The following MED24 variants were observed in gnomAD, a reference collection of about 807,000 sequenced individuals.
The protein encoded by MED24 is mediator complex subunit 24.
MED24 carries 74 observed loss-of-function variants against 118.8 expected under a neutral mutation model. The ratio of observed to expected loss-of-function variants is 0.62; its 90% CI spans 0.52 to 0.76. The LOEUF is 0.76. Among genes scored for constraint, MED24 ranks in the 30% least tolerant of loss-of-function variants. The probability of loss-of-function intolerance (pLI) is 0.00; values close to 1 mark genes in which losing one functional copy is unlikely to be tolerated. For missense variants in MED24, 1,041 were observed against 1,278.9 expected (o/e 0.81, Z 2.84); for synonymous variants, 521 against 523.9 (o/e 0.99, Z 0.08).
intron 3 of MED24, 127 bp downstream of exon 3, chr17:40,053,171 G>A (rs1986025436): frequency 6.7e-6 from 6 of 897,166 alleles, no homozygotes; most frequent in Non-Finnish European, 1.0e-5. Context: ...CTGGGCTCAA[G>A]CAATCCGCCT....
chr17:40,041,197 C>G (rs920680313), intron 3 of MED24, among the ~76,000 whole-genome samples: 6 of 152,214 alleles, frequency 3.9e-5, no homozygotes, highest in African/African-American at 1.2e-4. Flanking sequence ...ATGGATCCTT[C>G]TCTGTTCTGA....
intron 3 of MED24, among the ~76,000 whole-genome samples, chr17:40,039,150 G>A (rs571187263): frequency 2.6e-5 from 4 of 152,314 alleles, no homozygotes; most frequent in South Asian, 2.1e-4. Flanking sequence ...GATGCCATTC[G>A]TCAAAATGAA....
In MED24 at chr17:40,031,518, G is replaced by A. The variant is rs745728840; in HGVS notation, c.1067+20C>T. ...CAGAACGCCTTCCAGTAGGGCGGGG[G>A]TGACCAGGGGAGCTCATACTTGCAG... On this transcript the variant is annotated intron_variant, in intron 11 of 25. Transcript: ENST00000394128. The A allele has an allele frequency of 3.7e-6, 6 of 1,608,298 alleles. No individual in the cohort carries two copies. The South Asian group carries it at 5.5e-5, about 15-fold the overall frequency.
chr17:40,042,511 A>G (rs1411317068), intron 3 of MED24, among the ~76,000 whole-genome samples: 1 of 152,124 alleles, frequency 6.6e-6, no homozygotes, highest in African/African-American at 2.4e-5. Flanking sequence ...CATCTCTACT[A>G]AAAATACAAA....
chr17:40,031,737 G>T, intron 10 of MED24, 117 bp from the exon 11 acceptor site: 7 of 972,236 alleles, frequency 7.2e-6, no homozygotes, highest in South Asian at 6.1e-5. Context: ...TCTGCCTGGA[G>T]CCTGGGTGTA....
At chr17:40,051,930 T>C (rs571090294) in intron 3 of MED24, among the ~76,000 whole-genome samples, 49 of 150,348 alleles carry the variant, frequency 3.3e-4, no homozygotes, top group African/African-American at 8.8e-4. Flanking sequence ...TCTCAATAAA[T>C]AAACAAACAA....
rs1470100180 is a variant in MED24 at position 40,027,051 on chromosome 17, G to A, written c.1531-17C>T. 2 of 1,613,260 alleles carry A rather than the reference G, an allele frequency of 1.2e-6. No individual in the cohort carries two copies. Among genetic ancestry groups the A allele is most frequent in the African/African-American group, 1.3e-5 (1 of 74,900 alleles). On this transcript the variant is annotated splice_polypyrimidine_tract_variant and intron_variant, in intron 16 of 25. Coordinates refer to ENST00000394128, the MANE Select transcript of MED24 (RefSeq NM_014815.4). ...CAGAATCACCTGGGAAAGGGGAAGG[G>A]GGGCACCAGCCGAGTGGGGAGGGCG...
At chr17:40,026,128 G>A (rs1227574626) in intron 19 of MED24, 28 bp downstream of exon 19, 5 of 1,601,306 alleles carry the variant, frequency 3.1e-6, no homozygotes, top group Admixed American at 1.7e-5. Context: ...CACTTGAAGG[G>A]TCTGAGAAGG....
Position 40,047,701 on chromosome 17 carries a change from C to A in MED24, c.213+5597G>T, listed in dbSNP as rs1008896545. 4.8e-5 allele frequency among the ~76,000 whole-genome samples: 7 copies of A among 147,248 alleles called. No individual in the cohort carries two copies. In the Admixed American group the frequency reaches 4.8e-4, roughly 10 times the overall value. The stretch of plus-strand genomic sequence containing the variant: ...AAAAACAAAAAACAAAAAACAACAA[C>A]AAAAAAAAAACCCTGACTGAATTGA... On this transcript the variant is annotated intron_variant, in intron 3 of 25. Coordinates refer to ENST00000394128, the MANE Select transcript of MED24 (RefSeq NM_014815.4).
intron 22 of MED24, 28 bp downstream of exon 22, chr17:40,022,366 A>C: frequency 6.3e-7 from 1 of 1,582,056 alleles, no homozygotes; most frequent in Non-Finnish European, 8.6e-7. Context: ...GAACAAGTGA[A>C]GCCGGCGAGG....
chr17:40,028,788 C>A (rs368425542), intron 14 of MED24, 38 bp downstream of exon 14: 4 of 1,610,346 alleles, frequency 2.5e-6, no homozygotes, highest in African/African-American at 2.7e-5. Flanking sequence ...GCGCAGCCTC[C>A]CTGCACGCCC....
At chr17:40,051,440 C>G (rs1198027610) in intron 3 of MED24, among the ~76,000 whole-genome samples, 1 of 150,630 alleles carries the variant, frequency 6.6e-6, no homozygotes, top group South Asian at 2.1e-4. Flanking sequence ...ATGGTGAAAC[C>G]CCATCTCTAC....
chr17:40,026,995 AG>A lies in MED24; in HGVS notation c.1569del (p.Phe524SerfsTer17). On this transcript the variant is annotated frameshift_variant, in exon 17 of 26. Coordinates refer to ENST00000394128, the MANE Select transcript of MED24 (RefSeq NM_014815.4). LOFTEE classifies it high-confidence loss of function. Reference protein sequence around the residue: ...LSESRTGAEVPFFETWMQTCM... With the variant: ...LSESRTGAEVXFFETWMQTCM... The stretch of plus-strand genomic sequence containing the variant: ...CAGGTCTGCATCCAGGTCTCGAAGA[AG>A]GGCACCTCAGCTCCTGTGCGCGACT... 6.2e-7 allele frequency: 1 copy of A among 1,614,130 alleles called. No individual in the cohort carries two copies. The highest frequency in any genetic ancestry group is 8.5e-7 in the Non-Finnish European group (1 of 1,180,016).
At position 40,033,218 on chromosome 17, in the gene MED24, C is replaced by G; in HGVS notation, c.672-12G>C. 6.2e-7 allele frequency: 1 copy of G among 1,613,718 alleles called. No homozygotes were observed. Among genetic ancestry groups the G allele is most frequent in the Non-Finnish European group, 8.5e-7 (1 of 1,180,026 alleles). On this transcript the variant is annotated splice_polypyrimidine_tract_variant and intron_variant, in intron 7 of 25. Coordinates refer to ENST00000394128, the MANE Select transcript of MED24 (RefSeq NM_014815.4). This position sits in a 1 kb window ranked among gnomAD's most constrained non-coding sequence, Gnocchi z 5.2. ...GCATCGTGGGGATGCTGAGGGGTCA[C>G]AAACACAGGGGACGGTGTTTGGGGG...
At chr17:40,029,413 G>C (rs573160713) in intron 13 of MED24, among the ~76,000 whole-genome samples, 53 of 152,252 alleles carry the variant, frequency 3.5e-4, no homozygotes, top group African/African-American at 1.3e-3. Flanking sequence ...GGCCAAGCTG[G>C]TCTCAAACTC....
intron 6 of MED24, chr17:40,034,800 T>G: frequency 1.4e-6 from 1 of 720,742 alleles, no homozygotes; most frequent in Non-Finnish European, 2.3e-6. Context: ...TGCTACCCAC[T>G]AGCAGCTATG....
chr17:40,031,756 G>A (rs866319794), intron 10 of MED24, 136 bp from the exon 11 acceptor site: 8 of 834,442 alleles, frequency 9.6e-6, no homozygotes, highest in Middle Eastern at 2.5e-4. Context: ...TATGTTGTGG[G>A]TGCACGCAGA....
rs1350271445 is a variant in MED24 at position 40,032,248 on chromosome 17, T to C, written c.937-158A>G. The C allele has an allele frequency of 1.1e-5, 9 of 821,226 alleles. 1 individual carries two copies. The East Asian group carries it at 2.4e-4, about 22-fold the overall frequency. 50.9% of individuals were successfully genotyped at this position (821,226 alleles called of 1,614,324 possible). On this transcript the variant is annotated intron_variant, in intron 9 of 25. Coordinates refer to ENST00000394128, the MANE Select transcript of MED24 (RefSeq NM_014815.4). The stretch of plus-strand genomic sequence containing the variant: ...ACTTAGTGCTAAATGAGAAAGCCAA[T>C]AGGTGCCCAGGCCCCTGATGCCCCC...
intron 14 of MED24, among the ~76,000 whole-genome samples, chr17:40,028,343 A>G (rs982403337): frequency 1.3e-5 from 2 of 151,970 alleles, no homozygotes; most frequent in African/African-American, 2.4e-5. Context: ...TGAACTCCTG[A>G]CCTCAGGTGA....
Sources: gnomAD v4.1 joint callset for allele counts (sites outside exome capture counted in the v4.1 genomes callset) on GRCh38, gnomAD v4.1.1 for gene constraint, Gnocchi (gnomAD v3.1) non-coding constraint, MANE v1.5 for transcripts, NCBI Gene and HGNC (gene_info 2026-07-23, HGNC 2026-07-21) for gene names.